The following DLG2 variants were observed in gnomAD, a reference collection of about 807,000 sequenced individuals.
The protein encoded by DLG2 is discs large MAGUK scaffold protein 2, also known as disks large homolog 2.
In DLG2, 45 loss-of-function variants were observed where a neutral mutation model predicts 132.5. That is an observed-to-expected ratio of 0.34 (90% CI 0.27 to 0.44). The LOEUF is 0.44. DLG2 is among the 20% of genes least tolerant of loss of function. The probability of loss-of-function intolerance (pLI) is 1.00; values close to 1 mark genes in which losing one functional copy is unlikely to be tolerated. For missense variants in DLG2, 1,045 were observed against 1,196.9 expected, an observed-to-expected ratio of 0.87 and a Z score of 1.87; for synonymous variants, 424 against 419.6, an observed-to-expected ratio of 1.01 and a Z score of -0.13.
intron 3 of DLG2, among the ~76,000 whole-genome samples, chr11:85,579,999 G>C (rs910424413): frequency 1.3e-5 from 2 of 152,106 alleles, no homozygotes; most frequent in African/African-American, 2.4e-5. Flanking sequence ...CCCAGTGGGA[G>C]GTAATTGAAT....
chr11:84,339,787 T>C (rs2098505674), intron 7 of DLG2, among the ~76,000 whole-genome samples: 1 of 152,252 alleles, frequency 6.6e-6, no homozygotes, highest in Admixed American at 6.5e-5. Flanking sequence ...TCATAGAGCA[T>C]TGTTGCTACA....
At chr11:85,509,892 T>C (rs1241729588) in intron 3 of DLG2, 1 of 151,990 alleles carries the variant, frequency 6.6e-6, no homozygotes, top group African/African-American at 2.4e-5. Flanking sequence ...GAATGCTTCA[T>C]TGAAGAAATG....
At chr11:83,825,973 G>A (rs982287373) in intron 17 of DLG2, among the ~76,000 whole-genome samples, 11 of 152,204 alleles carry the variant, frequency 7.2e-5, no homozygotes, top group African/African-American at 2.7e-4. Context: ...AAGCATCAGT[G>A]AGAGTAGGGG....
chr11:83,794,139 T>C (rs2042210938), intron 17 of DLG2, among the ~76,000 whole-genome samples: 2 of 152,336 alleles, frequency 1.3e-5, no homozygotes, highest in South Asian at 4.1e-4. Context: ...ATCTTGTTCA[T>C]TTTAGGCCCA....
chr11:83,551,287 TACTC>T (rs1328995630), intron 19 of DLG2, among the ~76,000 whole-genome samples: 3 of 152,192 alleles, frequency 2.0e-5, no homozygotes, highest in Non-Finnish European at 4.4e-5. Context: ...GTTCTACTGT[TACTC>T]ACTGGAATAT....
rs548314578 is a variant in DLG2, at chr11:84,090,796, A to C, written c.749+8127T>G. ...ATATACTAAGGAAATAATGAGGTAC[A>C]AGGTTAATAATGTTTTCCAAAAGAT... On this transcript the variant is annotated intron_variant, in intron 10 of 27. Transcript: ENST00000376104. Among the ~76,000 whole-genome samples the C allele has an allele frequency of 3.3e-5, 5 of 152,242 alleles. No homozygotes were observed. In the South Asian group the frequency reaches 1.0e-3, roughly 31 times the overall value.
rs187559935 is a variant in DLG2, at chr11:83,604,755, A to G, written c.1940+28456T>C. On this transcript the variant is annotated intron_variant, in intron 19 of 27. Coordinates refer to ENST00000376104, the MANE Select transcript of DLG2 (RefSeq NM_001142699.3). ...GGCTACACATGTGTGGGGGCAGGGT[A>G]TATGGAAATCTCTGTACCTTCCTCT... Among the ~76,000 whole-genome samples the G allele has an allele frequency of 4.6e-5, 7 of 152,302 alleles. No individual in the cohort carries two copies. In the East Asian group the frequency reaches 1.2e-3, roughly 25 times the overall value.
intron 6 of DLG2, chr11:84,686,799 C>A (rs956025310): frequency 6.6e-6 from 1 of 151,836 alleles, no homozygotes; most frequent in Non-Finnish European, 1.5e-5. Context: ...TGGGGGGTGG[C>A]GCAGAAAAAA....
intron 22 of DLG2, 119 bp downstream of exon 22, chr11:83,484,010 C>T: frequency 2.6e-6 from 2 of 780,058 alleles, no homozygotes; most frequent in Non-Finnish European, 4.4e-6. Context: ...ACCTGCCCTG[C>T]CTGCCTGCTG....
At chr11:85,084,970 T>C (rs1170461596) in intron 6 of DLG2, among the ~76,000 whole-genome samples, 1 of 152,170 alleles carries the variant, frequency 6.6e-6, no homozygotes, top group Non-Finnish European at 1.5e-5. Flanking sequence ...AAATAACATG[T>C]TCTCCATAAA....
chr11:85,110,066 AC>A (rs1238529102), intron 6 of DLG2, among the ~76,000 whole-genome samples: 1 of 152,054 alleles, frequency 6.6e-6, no homozygotes, highest in Non-Finnish European at 1.5e-5. Context: ...ATATACTAGG[AC>A]CCCAAGGAGC....
At chr11:83,894,578 C>T (rs1235223217) in intron 15 of DLG2, among the ~76,000 whole-genome samples, 3 of 152,164 alleles carry the variant, frequency 2.0e-5, no homozygotes, top group African/African-American at 7.2e-5. Context: ...CACCTATATA[C>T]AATGTGCAAT....
intron 3 of DLG2, among the ~76,000 whole-genome samples, chr11:85,540,561 T>C (rs2075897712): frequency 6.6e-6 from 1 of 152,208 alleles, no homozygotes; most frequent in Non-Finnish European, 1.5e-5. Context: ...GCAGCCATCC[T>C]CCAAGCCCAC....
At chr11:84,767,786 C>A (rs1324017955) in intron 6 of DLG2, among the ~76,000 whole-genome samples, 1 of 151,960 alleles carries the variant, frequency 6.6e-6, no homozygotes, top group African/African-American at 2.4e-5. Flanking sequence ...CCTTGGTCCC[C>A]AGAGTAGGTA....
At chr11:84,603,631 T>G (rs959563418) in intron 6 of DLG2, among the ~76,000 whole-genome samples, 3 of 151,994 alleles carry the variant, frequency 2.0e-5, no homozygotes, top group Admixed American at 2.0e-4. Flanking sequence ...TCTCAATCTC[T>G]GAACCTGAGT....
In DLG2 at chr11:84,778,180, G is replaced by A. The variant is rs185852423; in HGVS notation, c.358-243449C>T. On this transcript the variant is annotated intron_variant, in intron 6 of 27. Transcript: ENST00000376104. ...TTCATTCATCTGCATATGGTAATCC[G>A]ATTTTCCCAGTACCATTTATTGAAA... Among the ~76,000 whole-genome samples the A allele has an allele frequency of 9.2e-5, 14 of 152,134 alleles. No homozygotes were observed. The East Asian group carries it at 1.9e-3, about 21-fold the overall frequency.
chr11:85,172,183 C>T (rs547162876), intron 4 of DLG2, among the ~76,000 whole-genome samples: 43 of 152,330 alleles, frequency 2.8e-4, no homozygotes, highest in Non-Finnish European at 2.6e-4. Context: ...GGTCTCCAGA[C>T]GCCTCCTACA....
At chr11:85,023,749 G>C (rs899067739) in intron 6 of DLG2, among the ~76,000 whole-genome samples, 1 of 151,860 alleles carries the variant, frequency 6.6e-6, no homozygotes, top group African/African-American at 2.4e-5. Context: ...AGATATCATA[G>C]GATAGAGATA....
intron 5 of DLG2, among the ~76,000 whole-genome samples, chr11:85,143,610 T>C (rs1472396070): frequency 2.6e-5 from 4 of 151,806 alleles, no homozygotes; most frequent in Admixed American, 6.6e-5. Context: ...ATCCCATAAG[T>C]TTATGTATGT....
Sources: allele counts gnomAD v4.1 joint callset (sites outside exome capture counted in the v4.1 genomes callset), GRCh38; gene constraint gnomAD v4.1.1; transcripts MANE v1.5; gene names NCBI Gene and HGNC (gene_info 2026-07-23, HGNC 2026-07-21).